Variants in SLC26A2 observed in about 807,000 individuals in gnomAD.
SLC26A2 encodes sulfate transporter.
In SLC26A2, 36 loss-of-function variants were observed where a neutral mutation model predicts 41.1. The observed-to-expected ratio is 0.88, with a 90% CI of 0.67 to 1.16. SLC26A2 has a LOEUF of 1.16. SLC26A2 is among the 50% of genes most tolerant of loss of function. SLC26A2 has a pLI of 0.00. For missense variants in SLC26A2, 796 were observed against 869.6 expected (o/e 0.92, Z 1.07); for synonymous variants, 291 against 311.6 (o/e 0.93, Z 0.70).
At chr5:149,976,932 A>G (rs904326132) in intron 1 of SLC26A2, among the ~76,000 whole-genome samples, 1 of 152,240 alleles carries the variant, frequency 6.6e-6, no homozygotes, top group African/African-American at 2.4e-5. Flanking sequence ...AGCATGTATG[A>G]GACACTTGGC....
At position 149,985,852 on chromosome 5, in the gene SLC26A2, A is replaced by G. The variant is rs1010205104; in HGVS notation, c.*4039A>G. The G allele has an allele frequency of 1.3e-5, 2 of 152,050 alleles. No homozygotes were observed. The highest frequency in any genetic ancestry group is 4.8e-5 in the African/African-American group (2 of 41,364). 9.4% of individuals were successfully genotyped at this position (152,050 alleles called of 1,614,324 possible). On this transcript the variant is annotated 3_prime_UTR_variant, in exon 3 of 3. Transcript: ENST00000286298. ...AATCCAGTAGATGGGCTGTGTAGCAACTCTCCCAGGGAACACACTAGGGTA... is the reference window on the plus strand; with the variant it reads ...AATCCAGTAGATGGGCTGTGTAGCAGCTCTCCCAGGGAACACACTAGGGTA...
At chr5:149,980,202 G>A in intron 2 of SLC26A2, 91 bp from the exon 3 acceptor site, 1 of 954,868 alleles carries the variant, frequency 1.0e-6, no homozygotes, top group South Asian at 1.3e-5. Context: ...ATGCTCTGAT[G>A]ATATGTCTCC....
chr5:149,963,184 A>G (rs1754742857), intron 1 of SLC26A2, among the ~76,000 whole-genome samples: 1 of 151,756 alleles, frequency 6.6e-6, no homozygotes, highest in Non-Finnish European at 1.5e-5. Context: ...ATCTTGGCTC[A>G]CTGCAATCTC....
chr5:149,969,038 G>A (rs1253468327), intron 1 of SLC26A2, among the ~76,000 whole-genome samples: 4 of 152,100 alleles, frequency 2.6e-5, no homozygotes, highest in African/African-American at 7.2e-5. Flanking sequence ...CACTGTGCCC[G>A]GCCTCAAATG....
At chr5:149,966,999 T>C (rs60625193) in intron 1 of SLC26A2, among the ~76,000 whole-genome samples, 6,725 of 152,170 alleles carry the variant, frequency 0.044, 387 homozygotes, top group African/African-American at 0.13. Flanking sequence ...TAAACTGCAA[T>C]TGAAAACAAA....
In SLC26A2 at chr5:149,978,025, C is replaced by T. The variant is rs1219390670; in HGVS notation, c.373C>T (p.Gln125Ter). The T allele has an allele frequency of 6.2e-7, 1 of 1,613,896 alleles. No individual in the cohort carries two copies. The highest frequency in any genetic ancestry group is 8.5e-7 in the Non-Finnish European group (1 of 1,179,928). ...GLIVGILLVP[Q>*]SIAYSLLAGQ... is the part of the protein sequence containing the mutation. Reference sequence around the variant, plus strand: ...GATTGTGGGCATATTATTGGTGCCCCAGTCCATTGCTTATTCCCTGCTGGC... The same window carrying T: ...GATTGTGGGCATATTATTGGTGCCCTAGTCCATTGCTTATTCCCTGCTGGC... Residue 125 changes from glutamine to a stop codon, truncating the protein, a stop_gained, in exon 2 of 3, where the codon CAG (glutamine) becomes TAG (stop). Coordinates refer to ENST00000286298, the MANE Select transcript of SLC26A2 (RefSeq NM_000112.4). LOFTEE classifies it high-confidence loss of function.
chr5:149,976,800 T>C (rs1348061040), intron 1 of SLC26A2, among the ~76,000 whole-genome samples: 8 of 152,238 alleles, frequency 5.3e-5, no homozygotes, highest in Non-Finnish European at 4.4e-5. Flanking sequence ...ATTTCTCTAT[T>C]TAACCTGTGT....
intron 1 of SLC26A2, among the ~76,000 whole-genome samples, chr5:149,965,104 T>C (rs536347932): frequency 6.6e-6 from 1 of 152,270 alleles, no homozygotes; most frequent in African/African-American, 2.4e-5. Context: ...TTCTGAAGAT[T>C]TAAAAACAGC....
At chr5:149,967,678 C>T (rs1255889782) in intron 1 of SLC26A2, among the ~76,000 whole-genome samples, 1 of 152,090 alleles carries the variant, frequency 6.6e-6, no homozygotes, top group Non-Finnish European at 1.5e-5. Context: ...TAACCAGTAA[C>T]ACCACTTCCC....
chr5:149,981,711 C>A lies in SLC26A2; in HGVS notation c.2118C>A (p.Asn706Lys). Residue 706 changes from asparagine to lysine, a missense_variant, in exon 3 of 3, where the codon AAC becomes AAA. Asn to Lys is a moderately conservative substitution (Grantham distance 94, BLOSUM62 0). Coordinates refer to ENST00000286298, the MANE Select transcript of SLC26A2 (RefSeq NM_000112.4). ...NGEYCKKEEE[N>K]LLFYSVYEAM... ...AATATTGCAAAAAGGAAGAAGAAAACCTTCTCTTCTATAGTGTGTATGAAG... is the reference window on the plus strand; with the variant it reads ...AATATTGCAAAAAGGAAGAAGAAAAACTTCTCTTCTATAGTGTGTATGAAG... 2 of 1,610,966 alleles carry A rather than the reference C, an allele frequency of 1.2e-6. No homozygotes were observed. Among genetic ancestry groups the A allele is most frequent in the Non-Finnish European group, 1.7e-6 (2 of 1,178,722 alleles).
intron 1 of SLC26A2, among the ~76,000 whole-genome samples, chr5:149,973,507 C>T (rs548340321): frequency 1.3e-5 from 2 of 151,886 alleles, no homozygotes; most frequent in African/African-American, 2.4e-5. Context: ...TTCTCCTTCC[C>T]ACTCCCTCTC....
rs916874362 is a variant in SLC26A2, at chr5:149,981,346, G to A, written c.1753G>A (p.Ala585Thr). 2.5e-6 allele frequency: 4 copies of A among 1,614,024 alleles called. No homozygotes were observed. Among genetic ancestry groups the A allele is most frequent in the Non-Finnish European group, 3.4e-6 (4 of 1,179,972 alleles). Residue 585 changes from alanine to threonine, a missense_variant, in exon 3 of 3, where the codon GCC (alanine) becomes ACC (threonine). Transcript: ENST00000286298. ...KPGIKIFRFV[A>T]PLYYINKECF... ...AGGCATCAAGATTTTCCGCTTTGTA[G>A]CCCCTCTCTACTACATAAACAAAGA...
At chr5:149,972,887 G>A (rs1311724565) in intron 1 of SLC26A2, among the ~76,000 whole-genome samples, 10 of 151,958 alleles carry the variant, frequency 6.6e-5, no homozygotes, top group Admixed American at 6.6e-4. Context: ...TGAGTTGAGA[G>A]TTTTTTTATG....
rs564006771 is a variant in SLC26A2 at position 149,970,113 on chromosome 5, T to A, written c.-25-7515T>A. On this transcript the variant is annotated intron_variant, in intron 1 of 2. Coordinates refer to ENST00000286298, the MANE Select transcript of SLC26A2 (RefSeq NM_000112.4). ...ATATAATTTCAGAAGTCTGAAGTGC[T>A]ATGAAGAAAATAAAGCCAGATAAGG... 2.0e-5 allele frequency among the ~76,000 whole-genome samples: 3 copies of A among 152,318 alleles called. No homozygotes were observed. The East Asian group carries it at 5.8e-4, about 29-fold the overall frequency.
intron 1 of SLC26A2, among the ~76,000 whole-genome samples, chr5:149,973,266 G>A (rs910075139): frequency 6.6e-6 from 1 of 152,018 alleles, no homozygotes; most frequent in Non-Finnish European, 1.5e-5. Flanking sequence ...ATGCTATAAA[G>A]TACATTCCCA....
chr5:149,982,585 G>A lies in SLC26A2; in HGVS notation c.*772G>A, dbSNP rs148105298. ...CTTCCTTGTCTTTTCTGTGATCTCT[G>A]TCCTTGTTTCTGAGACTTTCTCTAC... On this transcript the variant is annotated 3_prime_UTR_variant, in exon 3 of 3. Transcript: ENST00000286298. 3 of 152,244 alleles carry A rather than the reference G, an allele frequency of 2.0e-5. No homozygotes were observed. The East Asian group carries it at 5.8e-4, about 29-fold the overall frequency. 9.4% of individuals were successfully genotyped at this position (152,244 alleles called of 1,614,324 possible). A position where few individuals can be genotyped will look rare whatever the true frequency, so the allele number is the denominator to read the frequency against.
chr5:149,973,455 G>C (rs532157646), intron 1 of SLC26A2, among the ~76,000 whole-genome samples: 24 of 151,526 alleles, frequency 1.6e-4, no homozygotes, highest in Admixed American at 5.3e-4. Context: ...CTCTCTCTCT[G>C]TGTGTCTCTC....
rs554930688 is a variant in SLC26A2, at chr5:149,963,340, G to A, written c.-26+2361G>A. On this transcript the variant is annotated intron_variant, in intron 1 of 2. Coordinates refer to ENST00000286298, the MANE Select transcript of SLC26A2 (RefSeq NM_000112.4). ...TGTCTCCAGGCCGGAGTGCAGTGGC[G>A]TGATCTTGGCTCACTGCAACCTCTG... Among the ~76,000 whole-genome samples the A allele has an allele frequency of 9.9e-5, 15 of 151,130 alleles. No individual in the cohort carries two copies. In the Middle Eastern group the frequency reaches 0.01, roughly 104 times the overall value.
At chr5:149,975,015 A>G (rs1350342432) in intron 1 of SLC26A2, among the ~76,000 whole-genome samples, 1 of 151,972 alleles carries the variant, frequency 6.6e-6, no homozygotes, top group Non-Finnish European at 1.5e-5. Context: ...TTTCTTGGCC[A>G]TTATATCTTG....
Sources: allele counts gnomAD v4.1 joint callset (sites outside exome capture counted in the v4.1 genomes callset), GRCh38; gene constraint gnomAD v4.1.1; transcripts MANE v1.5; gene names NCBI Gene and HGNC (gene_info 2026-07-23, HGNC 2026-07-21).